Variants in RBFOX1 observed in about 807,000 individuals in gnomAD.
The protein encoded by RBFOX1 is RNA binding protein fox-1 homolog 1.
In RBFOX1, 8 loss-of-function variants were observed where a neutral mutation model predicts 57.7. That is an observed-to-expected ratio of 0.14 (90% confidence interval 0.08 to 0.25). The LOEUF (loss-of-function observed/expected upper bound fraction) is 0.25. RBFOX1 is among the 10% of genes least tolerant of loss of function. The pLI, the probability that RBFOX1 is intolerant of heterozygous loss-of-function variation, is 1.00. For missense variants in RBFOX1, 611 were observed against 548.5 expected (o/e 1.11, Z -1.14); for synonymous variants, 326 against 222.4 (o/e 1.47, Z -4.15).
chr16:5,266,453 G>A (rs1002261586), intron 1 of RBFOX1, among the ~76,000 whole-genome samples: 9 of 152,096 alleles, frequency 5.9e-5, no homozygotes, highest in Non-Finnish European at 1.2e-4. Context: ...TGGTAGTCAG[G>A]GGTTAGTAGA....
chr16:5,241,433 C>G (rs1175305679), intron 1 of RBFOX1, among the ~76,000 whole-genome samples: 1 of 152,218 alleles, frequency 6.6e-6, no homozygotes, highest in Non-Finnish European at 1.5e-5. Flanking sequence ...CTCTACCTCC[C>G]TCTTTTACGT....
At chr16:6,669,576 G>C (rs1029798893) in intron 3 of RBFOX1, among the ~76,000 whole-genome samples, 5 of 152,136 alleles carry the variant, frequency 3.3e-5, no homozygotes, top group Non-Finnish European at 5.9e-5. Context: ...TTATGAAAAA[G>C]TCGTTAGAAT....
rs146265443 is a variant in RBFOX1, at chr16:6,094,495, C to G, written c.-127+74503C>G. Among the ~76,000 whole-genome samples, 239 of 152,234 alleles carry G rather than the reference C, an allele frequency of 1.6e-3. 1 individual carries two copies. In the Middle Eastern group the frequency reaches 0.017, roughly 11 times the overall value. On this transcript the variant is annotated intron_variant, in intron 1 of 15. Transcript: ENST00000550418. ...GAGAGAAACTGACATGCTCACTAGA[C>G]ATTAGAATACCAACAGTAGCAAGCA...
chr16:6,819,003 G>GAGGA (rs1208709677), intron 3 of RBFOX1, among the ~76,000 whole-genome samples: 1 of 152,114 alleles, frequency 6.6e-6, no homozygotes, highest in African/African-American at 2.4e-5. Flanking sequence ...ACTTGACACA[G>GAGGA]AGGAAAATAA....
At chr16:5,603,871 T>C (rs1382366942), downstream of RBFOX1, among the ~76,000 whole-genome samples, 1 of 152,236 alleles carries the variant, frequency 6.6e-6, no homozygotes, top group Non-Finnish European at 1.5e-5. Context: ...GAAGTGATGC[T>C]GTCCAGCGTA....
intron 2 of RBFOX1, among the ~76,000 whole-genome samples, chr16:6,587,561 C>T (rs6500800): frequency 0.38 from 57,617 of 151,972 alleles, 11,833 homozygotes; most frequent in Middle Eastern, 0.51. Context: ...GGATTACAGA[C>T]ATGAGCCACC....
chr16:7,547,462 A>G (rs1291206215), intron 5 of RBFOX1, among the ~76,000 whole-genome samples: 1 of 152,230 alleles, frequency 6.6e-6, no homozygotes, highest in African/African-American at 2.4e-5. Flanking sequence ...GGGAAAGAAG[A>G]AAATGATCAT....
At chr16:6,575,553 AC>A in intron 2 of RBFOX1, among the ~76,000 whole-genome samples, 1 of 151,580 alleles carries the variant, frequency 6.6e-6, no homozygotes, top group East Asian at 1.9e-4. Context: ...AACCATACAT[AC>A]ATTTTAAAAA....
intron 1 of RBFOX1, among the ~76,000 whole-genome samples, chr16:6,242,475 C>T (rs2097544823): frequency 6.6e-6 from 1 of 151,876 alleles, no homozygotes; most frequent in South Asian, 2.1e-4. Flanking sequence ...ATAATCCTCC[C>T]ACTTAGGCCT....
At chr16:5,495,202 G>A (rs2042963105) in intron 2 of RBFOX1, among the ~76,000 whole-genome samples, 1 of 152,196 alleles carries the variant, frequency 6.6e-6, no homozygotes, top group African/African-American at 2.4e-5. Flanking sequence ...GGTGTAATGA[G>A]TTGGAAATAG....
At chr16:7,348,805 G>C (rs918006279) in intron 4 of RBFOX1, among the ~76,000 whole-genome samples, 3 of 152,126 alleles carry the variant, frequency 2.0e-5, no homozygotes, top group Non-Finnish European at 4.4e-5. Flanking sequence ...AGCCAGGGGT[G>C]GTGGCACGTG....
At chr16:6,274,165 G>A (rs186127705) in intron 1 of RBFOX1, among the ~76,000 whole-genome samples, 103 of 152,250 alleles carry the variant, frequency 6.8e-4, no homozygotes, top group African/African-American at 2.3e-3. Flanking sequence ...ATGTAAACAC[G>A]CAGTTATCAG....
At chr16:6,451,633 G>C (rs186520043) in intron 2 of RBFOX1, among the ~76,000 whole-genome samples, 13 of 152,220 alleles carry the variant, frequency 8.5e-5, no homozygotes, top group Non-Finnish European at 1.5e-4. Context: ...GTCATCTTTC[G>C]AGACTCAGCT....
chr16:6,975,797 G>C (rs1018863457), intron 3 of RBFOX1, among the ~76,000 whole-genome samples: 1 of 152,144 alleles, frequency 6.6e-6, no homozygotes, highest in Non-Finnish European at 1.5e-5. Flanking sequence ...AGCTTGCTGA[G>C]TGAATAAAGA....
Position 7,480,649 on chromosome 16 carries a change from C to G in RBFOX1, c.28-37498C>G, listed in dbSNP as rs541987427. On this transcript the variant is annotated intron_variant, in intron 4 of 15. Transcript: ENST00000550418. Reference sequence around the variant, plus strand: ...CCTGAAGGCCTTGGTGCCGCATGAGCAAGTGCAGTGCTGAGAGCTGTGTAT... The same window carrying G: ...CCTGAAGGCCTTGGTGCCGCATGAGGAAGTGCAGTGCTGAGAGCTGTGTAT... 1.8e-3 allele frequency among the ~76,000 whole-genome samples: 281 copies of G among 152,294 alleles called. 1 individual carries two copies. The highest frequency in any genetic ancestry group is 6.5e-3 in the African/African-American group (271 of 41,560).
chr16:7,134,397 T>C (rs936516519), intron 4 of RBFOX1, among the ~76,000 whole-genome samples: 6 of 152,204 alleles, frequency 3.9e-5, no homozygotes, highest in African/African-American at 1.4e-4. Context: ...TTTATAGTGA[T>C]GGTGATTACT....
intron 2 of RBFOX1, among the ~76,000 whole-genome samples, chr16:6,427,634 T>G (rs1189725680): frequency 6.6e-6 from 1 of 152,124 alleles, no homozygotes; most frequent in Non-Finnish European, 1.5e-5. Context: ...CCAAGTAAGG[T>G]GGATTATTTT....
intron 2 of RBFOX1, among the ~76,000 whole-genome samples, chr16:5,469,070 A>G (rs942420704): frequency 2.0e-5 from 3 of 152,006 alleles, no homozygotes; most frequent in Non-Finnish European, 2.9e-5. Context: ...TGACCAGTAG[A>G]GGTTTTCTTG....
At chr16:7,672,816 G>A (rs1291292073) in intron 13 of RBFOX1, among the ~76,000 whole-genome samples, 1 of 124,732 alleles carries the variant, frequency 8.0e-6, no homozygotes, top group Non-Finnish European at 1.6e-5. Context: ...GCAGTGAGCC[G>A]AGATTGCGCC....
Sources: gnomAD v4.1 joint callset for allele counts (sites outside exome capture counted in the v4.1 genomes callset) on GRCh38, gnomAD v4.1.1 for gene constraint, MANE v1.5 for transcripts, NCBI Gene and HGNC (gene_info 2026-07-23, HGNC 2026-07-21) for gene names.